Variants in TXNRD3 observed in about 807,000 individuals in gnomAD.
TXNRD3 encodes TXNRD3 neighbor gene protein.
A neutral mutation model predicts 78.2 loss-of-function variants in TXNRD3; 68 were observed. That is an observed-to-expected ratio of 0.87 (90% CI 0.72 to 1.06). The LOEUF is 1.06. Ranked by LOEUF, TXNRD3 falls within the 50% of genes least tolerant of loss-of-function variation. The probability of loss-of-function intolerance (pLI) is 0.00; values close to 1 mark genes in which losing one functional copy is unlikely to be tolerated. For missense variants in TXNRD3, 751 were observed against 809.5 expected, an observed-to-expected ratio of 0.93 and a Z score of 0.88; for synonymous variants, 296 against 300.1, an observed-to-expected ratio of 0.99 and a Z score of 0.14.
At chr3:126,622,888 T>G (rs1333660040) in intron 10 of TXNRD3, among the ~76,000 whole-genome samples, 1 of 152,016 alleles carries the variant, frequency 6.6e-6, no homozygotes. Context: ...GTATGACTGG[T>G]GTGCTATAAG....
At chr3:126,654,403 G>A (rs1576300508) in intron 1 of TXNRD3, among the ~76,000 whole-genome samples, 2 of 152,262 alleles carry the variant, frequency 1.3e-5, no homozygotes, top group South Asian at 2.1e-4. Context: ...AAATAATGCC[G>A]GATTCCTAGT....
Position 126,654,868 on chromosome 3 carries a change from C to T in TXNRD3, c.123G>A (p.Ser41=). ...CGGACGAGCGGCTGGGCCCGGGGGA[C>T]GACAGGCGGGCACGGCGCCCCGGCG... Residue 41 remains serine, a synonymous_variant, in exon 1 of 16, where the codon TCG becomes TCA. Transcript: ENST00000524230. 1 of 1,339,110 alleles carries T rather than the reference C, an allele frequency of 7.5e-7. No individual in the cohort carries two copies. Among genetic ancestry groups the T allele is most frequent in the Non-Finnish European group, 9.5e-7 (1 of 1,053,086 alleles). 83.0% of individuals were successfully genotyped at this position (1,339,110 alleles called of 1,614,324 possible). A position where few individuals can be genotyped will look rare whatever the true frequency, so the allele number is the denominator to read the frequency against.
Position 126,640,230 on chromosome 3 carries a change from G to A in TXNRD3, c.712+1802C>T, listed in dbSNP as rs1420604100. 5.2e-4 allele frequency among the ~76,000 whole-genome samples: 15 copies of A among 29,086 alleles called. 1 individual carries two copies. Among genetic ancestry groups the A allele is most frequent in the South Asian group, 2.7e-3 (3 of 1,096 alleles). The allele number at this position is 29,086 out of a possible 152,430, so 19.1% of individuals were successfully genotyped here. On this transcript the variant is annotated intron_variant, in intron 6 of 15. Transcript: ENST00000524230. ...CGCCATTCTCCTGCCTCAGCCTCCC[G>A]AGTAGCTGGGACTACAGGCGCCCGC...
intron 13 of TXNRD3, among the ~76,000 whole-genome samples, chr3:126,611,705 G>A (rs1938202167): frequency 6.6e-6 from 1 of 152,198 alleles, no homozygotes; most frequent in East Asian, 1.9e-4. Flanking sequence ...AATGCCATGT[G>A]CCCTCTCTCC....
In TXNRD3 at chr3:126,620,243, A is replaced by G. The variant is rs371420459; in HGVS notation, c.1524+1499T>C. Among the ~76,000 whole-genome samples the G allele has an allele frequency of 8.7e-5, 13 of 149,762 alleles. No homozygotes were observed. The East Asian group carries it at 2.4e-3, about 28-fold the overall frequency. On this transcript the variant is annotated intron_variant, in intron 12 of 15. Transcript: ENST00000524230. ...CCAGGAGGCGGAGCTTGCAGTGAGC[A>G]GAGATCGAGCCACTGCACTCCAGCC...
intron 6 of TXNRD3, among the ~76,000 whole-genome samples, chr3:126,638,155 G>A (rs570803368): frequency 6.6e-6 from 1 of 151,994 alleles, no homozygotes; most frequent in Admixed American, 6.5e-5. Flanking sequence ...GTGTTAGCCA[G>A]AATGGTCTTG....
At chr3:126,630,679 A>G (rs529991517) in intron 9 of TXNRD3, 33 bp downstream of exon 9, 1 of 1,519,976 alleles carries the variant, frequency 6.6e-7, no homozygotes, top group African/African-American at 1.4e-5. Flanking sequence ...GAAAAGTTAG[A>G]GAAAAAAAAT....
At chr3:126,641,542 A>T (rs1933089015) in intron 6 of TXNRD3, among the ~76,000 whole-genome samples, 1 of 152,148 alleles carries the variant, frequency 6.6e-6, no homozygotes, top group African/African-American at 2.4e-5. Flanking sequence ...CACTGAATGG[A>T]TCTCCTTGTC....
chr3:126,623,707 C>A (rs1358123802), intron 10 of TXNRD3, among the ~76,000 whole-genome samples: 2 of 152,010 alleles, frequency 1.3e-5, no homozygotes, highest in East Asian at 3.9e-4. Context: ...AGATAAAAGG[C>A]AAGTGTAGCA....
At position 126,647,299 on chromosome 3, in the gene TXNRD3, G is replaced by C; in HGVS notation, c.244-3C>G. ...AAAGAAGAAAAGAGTTCTTTCACCT[G>C]TAAAAAAAATTTAGCTAAGTTTCAC... On this transcript the variant is annotated splice_region_variant and splice_polypyrimidine_tract_variant and intron_variant, in intron 1 of 15. Coordinates refer to ENST00000524230, the MANE Select transcript of TXNRD3 (RefSeq NM_052883.3). The C allele has an allele frequency of 6.5e-7, 1 of 1,534,040 alleles. No individual in the cohort carries two copies. Among genetic ancestry groups the C allele is most frequent in the Non-Finnish European group, 8.7e-7 (1 of 1,145,964 alleles).
intron 13 of TXNRD3, among the ~76,000 whole-genome samples, chr3:126,612,685 T>C (rs528479869): frequency 3.3e-5 from 5 of 152,178 alleles, no homozygotes; most frequent in Non-Finnish European, 4.4e-5. Flanking sequence ...CTTACCCTCA[T>C]TTCCTTTCAT....
chr3:126,641,870 G>T (rs1054259227), intron 6 of TXNRD3, among the ~76,000 whole-genome samples, 162 bp downstream of exon 6: 1 of 152,090 alleles, frequency 6.6e-6, no homozygotes, highest in Non-Finnish European at 1.5e-5. Flanking sequence ...AAGAGCGGGG[G>T]GCCCTTTTGC....
chr3:126,648,560 T>G (rs937061232), intron 1 of TXNRD3, among the ~76,000 whole-genome samples: 1 of 152,152 alleles, frequency 6.6e-6, no homozygotes, highest in African/African-American at 2.4e-5. Flanking sequence ...AGGGAAATGA[T>G]TTTTTACAAG....
chr3:126,651,184 G>C (rs1933379254), intron 1 of TXNRD3, among the ~76,000 whole-genome samples: 1 of 152,166 alleles, frequency 6.6e-6, no homozygotes, highest in Admixed American at 6.5e-5. Context: ...GTACAACCAA[G>C]TTAGTGAGCG....
intron 2 of TXNRD3, among the ~76,000 whole-genome samples, chr3:126,646,640 C>T (rs1933240057): frequency 6.6e-6 from 1 of 152,190 alleles, no homozygotes; most frequent in African/African-American, 2.4e-5. Flanking sequence ...TCCATCACTA[C>T]TTAAGACTAC....
At chr3:126,621,609 TAGTA>T (rs1938458137) in intron 12 of TXNRD3, 129 bp downstream of exon 12, 3 of 829,764 alleles carry the variant, frequency 3.6e-6, no homozygotes, top group Non-Finnish European at 3.6e-6. Flanking sequence ...CATTAGTAAA[TAGTA>T]AGTCTACTGC....
chr3:126,607,277 C>T lies in TXNRD3; in HGVS notation c.*628G>A, dbSNP rs1938068314. 1.3e-5 allele frequency: 2 copies of T among 152,256 alleles called. No individual in the cohort carries two copies. The highest frequency in any genetic ancestry group is 6.5e-5 in the Admixed American group (1 of 15,272). 9.4% of individuals were successfully genotyped at this position (152,256 alleles called of 1,614,324 possible). On this transcript the variant is annotated 3_prime_UTR_variant, in exon 16 of 16. Coordinates refer to ENST00000524230, the MANE Select transcript of TXNRD3 (RefSeq NM_052883.3). The stretch of plus-strand genomic sequence containing the variant: ...AGAATAGCTTCAAGGTTATCACCAC[C>T]AAGTAGTGAGTGTGAGGGTGAAGCA...
intron 12 of TXNRD3, among the ~76,000 whole-genome samples, chr3:126,618,536 T>C (rs938843003): frequency 6.6e-6 from 1 of 152,182 alleles, no homozygotes; most frequent in Admixed American, 6.5e-5. Flanking sequence ...ACTGTACCTC[T>C]ATATCTCACC....
At chr3:126,637,932 C>CTCTTTTTTTTTTTTTTTTTTT (rs1444254294) in intron 6 of TXNRD3, among the ~76,000 whole-genome samples, 1 of 60,232 alleles carries the variant, frequency 1.7e-5, no homozygotes, top group Non-Finnish European at 2.8e-5. Flanking sequence ...ATTTCTCTCT[C>CTCTTTTTTTTTTTTTTTTTTT]TTTTTTTTTT....
Sources: gnomAD v4.1 joint callset for allele counts (sites outside exome capture counted in the v4.1 genomes callset) on GRCh38, gnomAD v4.1.1 for gene constraint, MANE v1.5 for transcripts, NCBI Gene and HGNC (gene_info 2026-07-23, HGNC 2026-07-21) for gene names.